EPHA5: variants seen among roughly 807,000 people sequenced by gnomAD.
The protein encoded by EPHA5 is ephrin type-A receptor 5.
In EPHA5, 60 loss-of-function variants were observed where a neutral mutation model predicts 105.0. The ratio of observed to expected loss-of-function variants is 0.57; its 90% CI spans 0.46 to 0.71. The LOEUF (loss-of-function observed/expected upper bound fraction) is 0.71. EPHA5 is among the 30% of genes least tolerant of loss of function. EPHA5 has a pLI of 0.00. For missense variants in EPHA5, 1,218 were observed against 1,274.7 expected (o/e 0.96, Z 0.68); for synonymous variants, 513 against 449.1 (o/e 1.14, Z -1.80).
At chr4:65,333,576 T>C (rs1720884002) in intron 15 of EPHA5, among the ~76,000 whole-genome samples, 2 of 124,284 alleles carry the variant, frequency 1.6e-5, no homozygotes, top group African/African-American at 2.8e-5. Flanking sequence ...TGTGTGTGTG[T>C]GTGCTGGATT....
At chr4:65,504,637 CAT>C (rs1732826070) in intron 3 of EPHA5, among the ~76,000 whole-genome samples, 2 of 151,858 alleles carry the variant, frequency 1.3e-5, no homozygotes, top group South Asian at 4.1e-4. Context: ...ATGTGCTTGA[CAT>C]ATAGTAGCTA....
Position 65,382,449 on chromosome 4 carries a change from C to T in EPHA5, c.1794-15025G>A, listed in dbSNP as rs538798084. On this transcript the variant is annotated intron_variant, in intron 8 of 16. Coordinates refer to ENST00000613740, the MANE Select transcript of EPHA5 (RefSeq NM_001281766.3). ...CAAATGTTATTAAACGTGTTAGATA[C>T]AATTTGCTTATTCCAATATATATTT... 9.9e-5 allele frequency among the ~76,000 whole-genome samples: 15 copies of T among 151,758 alleles called. No homozygotes were observed. In the South Asian group the frequency reaches 3.1e-3, roughly 32 times the overall value.
intron 3 of EPHA5, among the ~76,000 whole-genome samples, chr4:65,521,811 AC>A (rs1734754145): frequency 1.3e-5 from 2 of 151,828 alleles, no homozygotes; most frequent in South Asian, 2.1e-4. Flanking sequence ...TACCATTCCC[AC>A]CCTGACAAAT....
chr4:65,480,707 C>G (rs760707999), intron 5 of EPHA5, among the ~76,000 whole-genome samples: 24 of 152,092 alleles, frequency 1.6e-4, no homozygotes, highest in Non-Finnish European at 2.9e-4. Context: ...TTCATCAGGC[C>G]AGATCTGTGG....
At chr4:65,535,632 G>C (rs1464869606) in intron 3 of EPHA5, among the ~76,000 whole-genome samples, 1 of 151,982 alleles carries the variant, frequency 6.6e-6, no homozygotes, top group Non-Finnish European at 1.5e-5. Flanking sequence ...CAAAGTTGTA[G>C]AAAAATATCA....
At chr4:65,332,218 C>T (rs2148800203) in intron 15 of EPHA5, 90 bp from the exon 16 acceptor site, 1 of 1,049,660 alleles carries the variant, frequency 9.5e-7, no homozygotes. Context: ...TTCAATGGAT[C>T]TTTGAGTCTG....
chr4:65,419,167 A>T lies in EPHA5; in HGVS notation c.1527+1274T>A, dbSNP rs186695839. Among the ~76,000 whole-genome samples the T allele has an allele frequency of 1.0e-3, 158 of 152,056 alleles. 1 individual carries two copies. The highest frequency in any genetic ancestry group is 3.5e-3 in the African/African-American group (147 of 41,490). Reference sequence around the variant, plus strand: ...CCAAAGTTCTGGAATTACAGGCATGAGCCACCGCACCCGGCCCTAAACTCT... The same window carrying T: ...CCAAAGTTCTGGAATTACAGGCATGTGCCACCGCACCCGGCCCTAAACTCT... On this transcript the variant is annotated intron_variant, in intron 6 of 16. Transcript: ENST00000613740.
chr4:65,629,724 CCTT>C (rs1257343105), intron 2 of EPHA5, among the ~76,000 whole-genome samples: 1 of 152,046 alleles, frequency 6.6e-6, no homozygotes, highest in African/African-American at 2.4e-5. Context: ...AAGCTGCTCT[CCTT>C]AACTGTAGTG....
intron 5 of EPHA5, among the ~76,000 whole-genome samples, chr4:65,482,860 CT>C (rs34522161): frequency 0.95 from 141,403 of 148,892 alleles, 67,278 homozygotes; most frequent in East Asian, 1. Flanking sequence ...TTTAGAGGAT[CT>C]TTTTTTTTTA....
chr4:65,574,709 CATATATATAT>C (rs1203901938), intron 3 of EPHA5, among the ~76,000 whole-genome samples: 1 of 67,780 alleles, frequency 1.5e-5, no homozygotes, highest in Non-Finnish European at 3.0e-5. Context: ...CATATATATA[CATATATATAT>C]ACATATATAT....
At chr4:65,478,428 T>G (rs747339520) in intron 5 of EPHA5, among the ~76,000 whole-genome samples, 65 of 152,354 alleles carry the variant, frequency 4.3e-4, no homozygotes, top group Non-Finnish European at 7.2e-4. Context: ...ATCTGTTTTC[T>G]ATATACAATA....
intron 2 of EPHA5, among the ~76,000 whole-genome samples, chr4:65,619,498 T>C (rs1005497025): frequency 4.6e-5 from 7 of 152,152 alleles, no homozygotes; most frequent in African/African-American, 1.7e-4. Context: ...CCATAAGGAA[T>C]ATATAACTAC....
rs543910024 is a variant in EPHA5, at chr4:65,568,979, A to T, written c.910+32662T>A. Among the ~76,000 whole-genome samples the T allele has an allele frequency of 3.3e-5, 5 of 151,236 alleles. No homozygotes were observed. The South Asian group carries it at 1.0e-3, about 31-fold the overall frequency. Reference sequence around the variant, plus strand: ...TAAACATAATTTAGCTTAATTTTTAAAGCATAATAACAGAGAAAATGCTTA... The same window carrying T: ...TAAACATAATTTAGCTTAATTTTTATAGCATAATAACAGAGAAAATGCTTA... On this transcript the variant is annotated intron_variant, in intron 3 of 16. Transcript: ENST00000613740.
At chr4:65,507,573 G>A (rs941049407) in intron 3 of EPHA5, among the ~76,000 whole-genome samples, 1 of 152,086 alleles carries the variant, frequency 6.6e-6, no homozygotes, top group African/African-American at 2.4e-5. Flanking sequence ...TCCTTGAAGA[G>A]GTCCTTCACA....
rs148154465 is a variant in EPHA5, at chr4:65,465,242, C to A, written c.1402+25135G>T. On this transcript the variant is annotated intron_variant, in intron 5 of 16. Coordinates refer to ENST00000613740, the MANE Select transcript of EPHA5 (RefSeq NM_001281766.3). ...CACAGGGTCAGGAGTTCAAGACCAG[C>A]CTGGTCAAATAGTGAAACCCCGTCT... Among the ~76,000 whole-genome samples, 540 of 151,858 alleles carry A rather than the reference C, an allele frequency of 3.6e-3. 2 individuals are homozygous for A. Among genetic ancestry groups the A allele is most frequent in the African/African-American group, 0.012 (493 of 41,366 alleles).
At chr4:65,619,110 T>C (rs992578159) in intron 2 of EPHA5, among the ~76,000 whole-genome samples, 2 of 152,034 alleles carry the variant, frequency 1.3e-5, no homozygotes, top group Non-Finnish European at 1.5e-5. Context: ...ATCGCGGCAC[T>C]GCACTCCAGC....
rs568185495 is a variant in EPHA5 at position 65,502,848 on chromosome 4, G to A, written c.911-7305C>T. On this transcript the variant is annotated intron_variant, in intron 3 of 16. Coordinates refer to ENST00000613740, the MANE Select transcript of EPHA5 (RefSeq NM_001281766.3). ...CAATGGTGTAGTATTAAATAGCAAA[G>A]GCATGAATCAACCTAGGTTTCCACC... Among the ~76,000 whole-genome samples, 5 of 151,776 alleles carry A rather than the reference G, an allele frequency of 3.3e-5. No homozygotes were observed. The South Asian group carries it at 1.0e-3, about 31-fold the overall frequency.
chr4:65,618,984 G>T (rs917485022), intron 2 of EPHA5, among the ~76,000 whole-genome samples: 1 of 152,012 alleles, frequency 6.6e-6, no homozygotes, highest in African/African-American at 2.4e-5. Flanking sequence ...GTGAAACCCC[G>T]TCTCTATAGA....
intron 3 of EPHA5, among the ~76,000 whole-genome samples, chr4:65,522,316 G>GTATATATATATATATATACATA (rs58851174): frequency 1.4e-5 from 2 of 142,860 alleles, no homozygotes; most frequent in African/African-American, 5.4e-5. Flanking sequence ...ATATATATAT[G>GTATATATATATATATATACATA]TATATATATA....
Sources: gnomAD v4.1 joint callset for allele counts (sites outside exome capture counted in the v4.1 genomes callset) on GRCh38, gnomAD v4.1.1 for gene constraint, MANE v1.5 for transcripts, NCBI Gene and HGNC (gene_info 2026-07-23, HGNC 2026-07-21) for gene names.